The following TMEM236 variants were observed in gnomAD, a reference collection of about 807,000 sequenced individuals.
The protein encoded by TMEM236 is transmembrane protein 236.
A neutral mutation model predicts 14.7 loss-of-function variants in TMEM236; 11 were observed. The observed-to-expected ratio is 0.75, with a 90% CI of 0.47 to 1.24. The LOEUF is 1.24. TMEM236 is among the 50% of genes most tolerant of loss of function. The pLI is 0.00. For synonymous variants in TMEM236, 182 were observed against 168.6 expected (o/e 1.08, Z -0.62); for missense variants, 464 against 427.3 (o/e 1.09, Z -0.76).
chr10:17,781,855 T>G (rs1420872167), intron 3 of TMEM236, among the ~76,000 whole-genome samples: 1 of 151,974 alleles, frequency 6.6e-6, no homozygotes, highest in Non-Finnish European at 1.5e-5. Context: ...TTTTTGTGTG[T>G]TTAAGAGTTG....
chr10:17,762,612 T>C lies in TMEM236; in HGVS notation c.258-8697T>C, dbSNP rs1269746171. Among the ~76,000 whole-genome samples the C allele has an allele frequency of 3.2e-3, 246 of 75,872 alleles. 6 individuals are homozygous for C. Among genetic ancestry groups the C allele is most frequent in the African/African-American group, 0.018 (181 of 9,946 alleles). 49.8% of individuals were successfully genotyped at this position (75,872 alleles called of 152,430 possible). A position where few individuals can be genotyped will look rare whatever the true frequency, so the allele number is the denominator to read the frequency against. ...ATATATATATATATATATATATATA[T>C]ATATATACACACATACATATATATA... On this transcript the variant is annotated intron_variant, in intron 1 of 3. Transcript: ENST00000377495.
intron 3 of TMEM236, among the ~76,000 whole-genome samples, chr10:17,792,777 A>G (rs1274562825): frequency 6.6e-6 from 1 of 152,208 alleles, no homozygotes; most frequent in Non-Finnish European, 1.5e-5. Flanking sequence ...TATATCTTCT[A>G]TAGATTTTGC....
At position 17,796,296 on chromosome 10, in the gene TMEM236, C is replaced by T. The variant is rs1317962290; in HGVS notation, c.848C>T (p.Thr283Ile). 9.3e-6 allele frequency: 15 copies of T among 1,613,948 alleles called. No homozygotes were observed. The highest frequency in any genetic ancestry group is 1.3e-5 in the Non-Finnish European group (15 of 1,179,858). ...ATTTCTCTCCTTCGAATTACATTCA[C>T]TCCCCAAAACCCTCTTCTCAATTCC... ...SFISLLRITF[T>I]PQNPLLNSLS... The change falls in exon 4 of 4, where the codon ACT becomes ATT. Residue 283 changes from threonine to isoleucine, a missense_variant. Thr to Ile is a moderately conservative substitution (Grantham distance 89). Transcript: ENST00000377495.
At chr10:17,787,677 C>A (rs958868239) in intron 3 of TMEM236, among the ~76,000 whole-genome samples, 1 of 152,148 alleles carries the variant, frequency 6.6e-6, no homozygotes, top group Non-Finnish European at 1.5e-5. Flanking sequence ...CCAGGCACTC[C>A]ACTGGTGCTG....
At chr10:17,781,990 A>G (rs997779145) in intron 3 of TMEM236, among the ~76,000 whole-genome samples, 1 of 152,082 alleles carries the variant, frequency 6.6e-6, no homozygotes, top group South Asian at 2.1e-4. Context: ...TACCATTTCT[A>G]TGAAGAGATA....
intron 3 of TMEM236, among the ~76,000 whole-genome samples, chr10:17,783,181 A>G (rs894427210): frequency 9.2e-5 from 14 of 152,188 alleles, no homozygotes; most frequent in Non-Finnish European, 1.8e-4. Context: ...TGTCCTCAGA[A>G]GGCCTGGAGC....
intron 1 of TMEM236, among the ~76,000 whole-genome samples, chr10:17,766,309 G>T (rs1157853277): frequency 3.3e-5 from 5 of 152,164 alleles, no homozygotes; most frequent in African/African-American, 9.7e-5. Context: ...GCACGGTACA[G>T]CCAAATTTTC....
Position 17,795,981 on chromosome 10 carries a change from A to C in TMEM236, c.533A>C (p.Gln178Pro). ...SLQHIKTVTE[Q>P]VRQSPENAAS... Reference sequence around the variant, plus strand: ...CAACACATAAAAACTGTGACGGAGCAAGTGAGGCAAAGTCCAGAAAACGCT... The same window carrying C: ...CAACACATAAAAACTGTGACGGAGCCAGTGAGGCAAAGTCCAGAAAACGCT... Residue 178 changes from glutamine (Q) to proline (P), a missense_variant, in exon 4 of 4, where the codon CAA becomes CCA. Coordinates refer to ENST00000377495, the MANE Select transcript of TMEM236 (RefSeq NM_001098844.3). The C allele has an allele frequency of 6.2e-7, 1 of 1,613,978 alleles. No individual in the cohort carries two copies. Among genetic ancestry groups the C allele is most frequent in the Non-Finnish European group, 8.5e-7 (1 of 1,179,874 alleles).
chr10:17,767,460 A>C lies in TMEM236; in HGVS notation c.258-3849A>C, dbSNP rs1837487043. ...GGGTGATAGAGTAAGACTCCATCTC[A>C]AAAAATATATATATATAAGCATATA... is the stretch of plus-strand genomic sequence containing the variant. On this transcript the variant is annotated intron_variant, in intron 1 of 3. Coordinates refer to ENST00000377495, the MANE Select transcript of TMEM236 (RefSeq NM_001098844.3). Among the ~76,000 whole-genome samples, 4 of 152,168 alleles carry C rather than the reference A, an allele frequency of 2.6e-5. No individual in the cohort carries two copies. The South Asian group carries it at 8.3e-4, about 32-fold the overall frequency.
chr10:17,752,266 C>T lies in TMEM236; in HGVS notation c.-30C>T. On this transcript the variant is annotated 5_prime_UTR_variant, in exon 1 of 4. Coordinates refer to ENST00000377495, the MANE Select transcript of TMEM236 (RefSeq NM_001098844.3). The stretch of plus-strand genomic sequence containing the variant: ...CTGCCCACAGTCAAAGAGGGAGTCC[C>T]AGGTTCTTGGCAGCTTGCTTTTCCT... 1 of 1,613,908 alleles carries T rather than the reference C, an allele frequency of 6.2e-7. No individual in the cohort carries two copies. The highest frequency in any genetic ancestry group is 1.7e-5 in the Admixed American group (1 of 60,018).
At chr10:17,781,893 GA>G (rs1202212114) in intron 3 of TMEM236, among the ~76,000 whole-genome samples, 10 of 151,690 alleles carry the variant, frequency 6.6e-5, no homozygotes, top group East Asian at 5.8e-4. Context: ...TCATTTGGGG[GA>G]AAAAAAAGCT....
At chr10:17,773,959 C>T (rs1343574872) in intron 2 of TMEM236, among the ~76,000 whole-genome samples, 2 of 152,160 alleles carry the variant, frequency 1.3e-5, no homozygotes, top group Non-Finnish European at 2.9e-5. Context: ...GCTTGGGTCA[C>T]TCACTTGTAG....
intron 1 of TMEM236, among the ~76,000 whole-genome samples, chr10:17,762,596 TATA>T (rs1327504827): frequency 2.4e-5 from 2 of 84,576 alleles, no homozygotes; most frequent in East Asian, 6.2e-4. Context: ...TATATATATA[TATA>T]TATATATATA....
intron 3 of TMEM236, among the ~76,000 whole-genome samples, chr10:17,795,278 T>C (rs1306706381): frequency 6.6e-6 from 1 of 152,180 alleles, no homozygotes; most frequent in Non-Finnish European, 1.5e-5. Context: ...GTTAAGAGTT[T>C]GTCAATTGGA....
chr10:17,781,262 C>T (rs567186375), intron 3 of TMEM236, among the ~76,000 whole-genome samples: 14 of 152,244 alleles, frequency 9.2e-5, no homozygotes, highest in African/African-American at 2.2e-4. Context: ...CAAGGACTCC[C>T]GTACCCTCAT....
At chr10:17,761,086 A>T (rs1837355155) in intron 1 of TMEM236, among the ~76,000 whole-genome samples, 1 of 152,106 alleles carries the variant, frequency 6.6e-6, no homozygotes, top group Non-Finnish European at 1.5e-5. Flanking sequence ...CATTCTGGTA[A>T]TTCTTCCTCT....
At chr10:17,782,163 G>A (rs927380019) in intron 3 of TMEM236, among the ~76,000 whole-genome samples, 1 of 152,010 alleles carries the variant, frequency 6.6e-6, no homozygotes, top group Admixed American at 6.6e-5. Context: ...GGTACAAACT[G>A]GCTTGAGGCT....
chr10:17,754,373 T>G (rs1837252434), intron 1 of TMEM236, among the ~76,000 whole-genome samples: 1 of 152,144 alleles, frequency 6.6e-6, no homozygotes, highest in Non-Finnish European at 1.5e-5. Flanking sequence ...CAGGTTGGAG[T>G]GCAGTGGCGT....
intron 3 of TMEM236, among the ~76,000 whole-genome samples, chr10:17,781,419 A>G (rs1377211463): frequency 6.6e-6 from 1 of 152,128 alleles, no homozygotes; most frequent in East Asian, 1.9e-4. Context: ...TCAGAAACCT[A>G]CAATGTTACT....
Sources: allele counts gnomAD v4.1 joint callset (sites outside exome capture counted in the v4.1 genomes callset), GRCh38; gene constraint gnomAD v4.1.1; transcripts MANE v1.5; gene names NCBI Gene and HGNC (gene_info 2026-07-23, HGNC 2026-07-21).